Variants in LRGUK observed in about 807,000 individuals in gnomAD.
LRGUK encodes the protein leucine rich repeats and guanylate kinase domain containing.
Under a neutral mutation model 76.0 loss-of-function variants are expected in LRGUK, and 65 were observed. The observed-to-expected ratio is 0.85, with a 90% CI of 0.70 to 1.05. The LOEUF (loss-of-function observed/expected upper bound fraction) is 1.05, where lower values mean the gene tolerates loss of function less well. Among genes scored for constraint, LRGUK ranks in the 50% least tolerant of loss-of-function variants. LRGUK has a pLI of 0.00. For synonymous variants in LRGUK, 268 were observed against 265.6 expected, an observed-to-expected ratio of 1.01 and a Z score of -0.09; for missense variants, 758 against 732.8, an observed-to-expected ratio of 1.03 and a Z score of -0.40.
chr7:134,268,464 A>G (rs1293568878), downstream of LRGUK, among the ~76,000 whole-genome samples: 2 of 152,144 alleles, frequency 1.3e-5, no homozygotes, highest in African/African-American at 2.4e-5. Flanking sequence ...TGTTAAGGAA[A>G]TAGAAGAATT....
At chr7:134,201,653 G>A in intron 15 of LRGUK, 77 bp downstream of exon 15, 1 of 1,027,058 alleles carries the variant, frequency 9.7e-7, no homozygotes, top group Non-Finnish European at 1.5e-6. Context: ...TGCTATTTGG[G>A]TACTCATCAC....
downstream of LRGUK, among the ~76,000 whole-genome samples, chr7:134,265,722 A>C (rs922192703): frequency 3.3e-5 from 5 of 152,202 alleles, no homozygotes; most frequent in African/African-American, 1.2e-4. Context: ...TGTTGTGGAC[A>C]GCCAGGACTT....
In LRGUK at chr7:134,261,430, C is replaced by G. The variant is rs192862714; in HGVS notation, c.2348-2415C>G. Among the ~76,000 whole-genome samples the G allele has an allele frequency of 1.2e-4, 18 of 152,178 alleles. No homozygotes were observed. In the East Asian group the frequency reaches 3.3e-3, roughly 28 times the overall value. On this transcript the variant is annotated intron_variant, in intron 19 of 19. Coordinates refer to the LRGUK transcript ENST00000285928. ...CCCATATTCTCTATTCTCCCATATT[C>G]CCTATTAATCTCCCATATTCTCTAT...
chr7:134,274,902 T>G, the LRGUK span, among the ~76,000 whole-genome samples: 2 of 152,144 alleles, frequency 1.3e-5, no homozygotes, highest in Admixed American at 6.5e-5. Context: ...AAATCTGTCT[T>G]TCATTTCAGT....
At chr7:134,215,982 TA>T (rs1801426978) in intron 15 of LRGUK, among the ~76,000 whole-genome samples, 1 of 152,198 alleles carries the variant, frequency 6.6e-6, no homozygotes, top group Non-Finnish European at 1.5e-5. Flanking sequence ...TTACAGATTG[TA>T]ACCTTAGAAA....
chr7:134,253,898 T>C (rs1585604864), intron 18 of LRGUK, among the ~76,000 whole-genome samples: 2 of 152,270 alleles, frequency 1.3e-5, no homozygotes, highest in Admixed American at 1.3e-4. Flanking sequence ...GAGAAAAAGT[T>C]TGTCTAGGTC....
At chr7:134,156,830 G>A (rs1798480402) in intron 5 of LRGUK, among the ~76,000 whole-genome samples, 1 of 152,180 alleles carries the variant, frequency 6.6e-6, no homozygotes, top group Admixed American at 6.5e-5. Flanking sequence ...GGTGAGTTAA[G>A]TTGGCAGAGG....
chr7:134,247,631 C>G, exon 17 of LRGUK: 1 of 1,612,700 alleles, frequency 6.2e-7, no homozygotes, highest in Admixed American at 1.7e-5. Flanking sequence ...TGATCACACA[C>G]TCCTATTTCA....
At chr7:134,212,648 A>G (rs1801318961), downstream of LRGUK, among the ~76,000 whole-genome samples, 1 of 152,298 alleles carries the variant, frequency 6.6e-6, no homozygotes, top group East Asian at 1.9e-4. Flanking sequence ...AAAATATATC[A>G]TTTGTTTATT....
chr7:134,166,753 G>A (rs1197425476), intron 7 of LRGUK, among the ~76,000 whole-genome samples: 1 of 152,100 alleles, frequency 6.6e-6, no homozygotes. Flanking sequence ...CAATTTTTGT[G>A]CTGCTTTGTA....
At chr7:134,190,700 T>G (rs963418166) in intron 11 of LRGUK, among the ~76,000 whole-genome samples, 8 of 152,348 alleles carry the variant, frequency 5.3e-5, no homozygotes, top group African/African-American at 1.7e-4. Context: ...AATGGAGTTC[T>G]TAGCAGCTGT....
Position 134,143,052 on chromosome 7 carries a change from C to G in LRGUK, c.488-10C>G. On this transcript the variant is annotated splice_polypyrimidine_tract_variant and intron_variant, in intron 3 of 15. Transcript: ENST00000645682. ...GGCTTACCTTATTCTGTATCTGTTT[C>G]CCTCCGTAGATTTATCTTGTGTGAG... The G allele has an allele frequency of 7.0e-7, 1 of 1,433,394 alleles. No individual in the cohort carries two copies. Among genetic ancestry groups the G allele is most frequent in the Non-Finnish European group, 9.8e-7 (1 of 1,016,364 alleles). 88.8% of individuals were successfully genotyped at this position (1,433,394 alleles called of 1,614,324 possible). A position where few individuals can be genotyped will look rare whatever the true frequency, so the allele number is the denominator to read the frequency against.
chr7:134,240,298 A>C (rs925030816), intron 16 of LRGUK, among the ~76,000 whole-genome samples: 2 of 152,194 alleles, frequency 1.3e-5, no homozygotes, highest in African/African-American at 2.4e-5. Flanking sequence ...GAAGCTAAAA[A>C]CCTTGATGAA....
chr7:134,221,935 A>G lies in LRGUK; in HGVS notation c.1983+17A>G, dbSNP rs755459913. On this transcript the variant is annotated intron_variant, in intron 16 of 19. Coordinates refer to the LRGUK transcript ENST00000285928. ...ACACCAGCGGTAAGAGAGGAATAGA[A>G]GGGGTGAAGCCACAACTGAGCTCTA... 2.5e-6 allele frequency: 4 copies of G among 1,578,946 alleles called. No individual in the cohort carries two copies. Among genetic ancestry groups the G allele is most frequent in the Non-Finnish European group, 3.4e-6 (4 of 1,166,900 alleles).
intron 15 of LRGUK, among the ~76,000 whole-genome samples, chr7:134,215,573 A>G (rs1406494015): frequency 6.6e-6 from 1 of 152,088 alleles, no homozygotes; most frequent in African/African-American, 2.4e-5. Context: ...TACATCCAAA[A>G]TCTATATGTA....
At chr7:134,188,844 A>G (rs1800081511) in intron 11 of LRGUK, among the ~76,000 whole-genome samples, 1 of 152,140 alleles carries the variant, frequency 6.6e-6, no homozygotes. Context: ...TAACAAGTTC[A>G]TTATTTCCTG....
chr7:134,249,641 A>G (rs1294752957), intron 18 of LRGUK, among the ~76,000 whole-genome samples: 2 of 152,180 alleles, frequency 1.3e-5, no homozygotes, highest in African/African-American at 4.8e-5. Context: ...AATGTTTACC[A>G]ATGGAAGTGC....
At chr7:134,127,378 C>A in exon 1 of LRGUK, 1 of 1,604,160 alleles carries the variant, frequency 6.2e-7, no homozygotes, top group Non-Finnish European at 8.5e-7. Context: ...ATGGCGACCT[C>A]CGAGAGGGCT....
chr7:134,164,079 CTG>C (rs1451017019), intron 7 of LRGUK, among the ~76,000 whole-genome samples: 13 of 152,060 alleles, frequency 8.5e-5, no homozygotes, highest in African/African-American at 3.1e-4. Context: ...TTTTTCCATG[CTG>C]AGAGAGTAGA....
Sources: gnomAD v4.1 joint callset for allele counts (sites outside exome capture counted in the v4.1 genomes callset) on GRCh38, gnomAD v4.1.1 for gene constraint, MANE v1.5 for transcripts, NCBI Gene and HGNC (gene_info 2026-07-23, HGNC 2026-07-21) for gene names.